Variants in FAM135A observed in about 807,000 individuals in gnomAD.
FAM135A encodes the protein protein FAM135A.
In FAM135A, 79 loss-of-function variants were observed where a neutral mutation model predicts 146.8. The observed-to-expected ratio is 0.54, with a 90% CI of 0.45 to 0.65. FAM135A has a LOEUF of 0.65. Ranked by LOEUF, FAM135A falls within the 30% of genes least tolerant of loss-of-function variation. The pLI is 0.00. For synonymous variants in FAM135A, 562 were observed against 603.6 expected (o/e 0.93, Z 1.01); for missense variants, 1,623 against 1,758.2 (o/e 0.92, Z 1.38).
chr6:70,446,843 A>T (rs573273314), intron 4 of FAM135A, among the ~76,000 whole-genome samples: 16 of 152,326 alleles, frequency 1.1e-4, no homozygotes, highest in African/African-American at 3.4e-4. Context: ...TCTAGTCCCA[A>T]ACCAGGGACA....
chr6:70,539,975 G>A (rs1797557262), intron 20 of FAM135A, among the ~76,000 whole-genome samples: 1 of 152,178 alleles, frequency 6.6e-6, no homozygotes. Flanking sequence ...CAGGCTGGGA[G>A]ACAGAGTGAG....
intron 11 of FAM135A, among the ~76,000 whole-genome samples, chr6:70,492,385 A>G (rs80232745): frequency 0.13 from 19,106 of 151,808 alleles, 1,479 homozygotes; most frequent in Middle Eastern, 0.19. Flanking sequence ...AAAATTACAT[A>G]TATATGTAAA....
chr6:70,509,909 T>C (rs957382293), intron 12 of FAM135A, among the ~76,000 whole-genome samples: 1 of 152,168 alleles, frequency 6.6e-6, no homozygotes, highest in African/African-American at 2.4e-5. Flanking sequence ...TACAAACTTA[T>C]AACATTAGAA....
intron 1 of FAM135A, among the ~76,000 whole-genome samples, chr6:70,414,545 T>C (rs1181102839): frequency 6.8e-6 from 1 of 147,934 alleles, no homozygotes; most frequent in Non-Finnish European, 1.5e-5. Context: ...GTCAAGCCTC[T>C]TAACTTCATT....
chr6:70,452,191 G>A (rs1056501700), intron 4 of FAM135A, among the ~76,000 whole-genome samples: 4 of 151,950 alleles, frequency 2.6e-5, no homozygotes, highest in Admixed American at 1.3e-4. Flanking sequence ...AAACAATGAA[G>A]TTCTTAGACG....
chr6:70,473,826 C>T (rs941643645), intron 5 of FAM135A, among the ~76,000 whole-genome samples: 3 of 152,080 alleles, frequency 2.0e-5, no homozygotes, highest in Admixed American at 6.5e-5. Flanking sequence ...TTGACTCCCA[C>T]CCCCATATGA....
intron 5 of FAM135A, among the ~76,000 whole-genome samples, chr6:70,471,712 C>T (rs903823455): frequency 6.6e-6 from 1 of 151,960 alleles, no homozygotes; most frequent in African/African-American, 2.4e-5. Flanking sequence ...GCACATGTAC[C>T]CTTGAACTTA....
chr6:70,475,541 G>A lies in FAM135A; in HGVS notation c.289G>A (p.Glu97Lys). The A allele has an allele frequency of 6.3e-7, 1 of 1,590,982 alleles. No homozygotes were observed. Among genetic ancestry groups the A allele is most frequent in the South Asian group, 1.2e-5 (1 of 86,228 alleles). Residue 97 changes from glutamate (E) to lysine (K), a missense_variant, in exon 6 of 22, where the codon GAA becomes AAA. Physicochemically the swap from Glu to Lys is moderately conservative, Grantham distance 56. This residue lies in a region of FAM135A where 171 missense variants were observed against 164.9 expected (regional missense o/e 1.04). Coordinates refer to ENST00000418814, the MANE Select transcript of FAM135A (RefSeq NM_001162529.3). ...MIFKVKMLLDERKIEETLEEM... is the reference protein window; with the variant it reads ...MIFKVKMLLDKRKIEETLEEM... ...CTTCAAAGTAAAAATGCTATTGGATGAAAGAAAGGTAAACATCTCTTCATA... is the reference window on the plus strand; with the variant it reads ...CTTCAAAGTAAAAATGCTATTGGATAAAAGAAAGGTAAACATCTCTTCATA...
chr6:70,430,848 T>G lies in FAM135A; in HGVS notation c.77+2429T>G, dbSNP rs147484064. 3.3e-5 allele frequency among the ~76,000 whole-genome samples: 5 copies of G among 152,332 alleles called. No individual in the cohort carries two copies. In the East Asian group the frequency reaches 9.6e-4, roughly 29 times the overall value. ...CTCTAGATTTCTTCTAGATTCTGCTTATAAAATGACTAGCTCTTTCTTTAG... is the reference window on the plus strand; with the variant it reads ...CTCTAGATTTCTTCTAGATTCTGCTGATAAAATGACTAGCTCTTTCTTTAG... On this transcript the variant is annotated intron_variant, in intron 4 of 21. Transcript: ENST00000418814.
In FAM135A at chr6:70,449,876, C is replaced by T. The variant is rs576247929; in HGVS notation, c.78-2616C>T. Among the ~76,000 whole-genome samples, 6 of 152,308 alleles carry T rather than the reference C, an allele frequency of 3.9e-5. No homozygotes were observed. The East Asian group carries it at 1.2e-3, about 29-fold the overall frequency. On this transcript the variant is annotated intron_variant, in intron 4 of 21. Transcript: ENST00000418814. ...ATGGCTGTGCTAATTTACATTCTCA[C>T]CAATAGTGTGCAGTGGTTCCTTTTT...
chr6:70,469,047 CCTTT>C (rs1435032015), intron 5 of FAM135A, among the ~76,000 whole-genome samples: 2 of 152,162 alleles, frequency 1.3e-5, no homozygotes, highest in African/African-American at 4.8e-5. Context: ...TCCCTCTTTT[CCTTT>C]CTTTATTTTT....
chr6:70,532,687 C>T (rs558499920), intron 16 of FAM135A, among the ~76,000 whole-genome samples: 23 of 152,350 alleles, frequency 1.5e-4, no homozygotes, highest in African/African-American at 5.5e-4. Flanking sequence ...AATCCCAGCA[C>T]TTTGGGAGGC....
chr6:70,421,356 C>T (rs1768804821), intron 2 of FAM135A, among the ~76,000 whole-genome samples: 1 of 152,128 alleles, frequency 6.6e-6, no homozygotes, highest in Non-Finnish European at 1.5e-5. Flanking sequence ...TTTTCAGTCA[C>T]AGTAGTCACA....
rs148057973 is a variant in FAM135A at position 70,509,951 on chromosome 6, T to C, written c.1029+7160T>C. The stretch of plus-strand genomic sequence containing the variant: ...TTATTATGACGCTGGTTTGCTATAC[T>C]GTTTATATTTTACAAGCAAAAAGAA... On this transcript the variant is annotated intron_variant, in intron 12 of 21. Transcript: ENST00000418814. Among the ~76,000 whole-genome samples the C allele has an allele frequency of 1.3e-3, 197 of 152,310 alleles. 1 individual carries two copies. Among genetic ancestry groups the C allele is most frequent in the Non-Finnish European group, 2.4e-3 (162 of 68,004 alleles).
At position 70,442,260 on chromosome 6, in the gene FAM135A, C is replaced by T. The variant is rs1409538270; in HGVS notation, c.78-10232C>T. Among the ~76,000 whole-genome samples, 109 of 119,864 alleles carry T rather than the reference C, an allele frequency of 9.1e-4. 3 individuals carry two copies. The highest frequency in any genetic ancestry group is 3.5e-3 in the Admixed American group (43 of 12,284). 78.6% of individuals were successfully genotyped at this position (119,864 alleles called of 152,430 possible). A position where few individuals can be genotyped will look rare whatever the true frequency, so the allele number is the denominator to read the frequency against. On this transcript the variant is annotated intron_variant, in intron 4 of 21. Transcript: ENST00000418814. ...ATGGGTTTTTTTTTTTTTTTTTTGC[C>T]GAGATATATCCCGTGAGGAATAGGC...
intron 12 of FAM135A, chr6:70,504,954 C>G (rs1197527954): frequency 6.7e-6 from 1 of 149,918 alleles, no homozygotes; most frequent in Non-Finnish European, 1.5e-5. Flanking sequence ...GAGTCAAACT[C>G]CATCTCAAAA....
chr6:70,459,750 C>T (rs1779054602), intron 5 of FAM135A, among the ~76,000 whole-genome samples: 1 of 152,086 alleles, frequency 6.6e-6, no homozygotes, highest in Non-Finnish European at 1.5e-5. Flanking sequence ...CAATTAGTCA[C>T]CAGGCGCGGA....
At chr6:70,504,221 C>T (rs1364052018) in intron 12 of FAM135A, 1 of 152,186 alleles carries the variant, frequency 6.6e-6, no homozygotes, top group Admixed American at 6.6e-5. Flanking sequence ...TCTGATTACC[C>T]ATGCAGTTGA....
At chr6:70,484,880 T>C (rs1784341795) in intron 10 of FAM135A, among the ~76,000 whole-genome samples, 1 of 152,220 alleles carries the variant, frequency 6.6e-6, no homozygotes, top group South Asian at 2.1e-4. Flanking sequence ...TGATCATGTA[T>C]TCATAAGATT....
Sources: allele counts gnomAD v4.1 joint callset (sites outside exome capture counted in the v4.1 genomes callset), GRCh38; gene constraint gnomAD v4.1.1; regional missense constraint gnomAD v4.1.1; transcripts MANE v1.5; gene names NCBI Gene and HGNC (gene_info 2026-07-23, HGNC 2026-07-21).